UHRF1: variants seen among roughly 807,000 people sequenced by gnomAD.
The protein encoded by UHRF1 is E3 ubiquitin-protein ligase UHRF1.
UHRF1 carries 9 observed loss-of-function variants against 96.5 expected under a neutral mutation model. That is an observed-to-expected ratio of 0.09 (90% CI 0.06 to 0.16). The LOEUF is 0.16. UHRF1 is among the 10% of genes least tolerant of loss of function. UHRF1 has a pLI of 1.00. For missense variants in UHRF1, 626 were observed against 1,131.1 expected (o/e 0.55, Z 6.40); for synonymous variants, 455 against 469.9 (o/e 0.97, Z 0.41).
In UHRF1 at chr19:4,937,625, A is replaced by G. The variant is rs538222062; in HGVS notation, c.786-3903A>G. On this transcript the variant is annotated intron_variant, in intron 5 of 16. Coordinates refer to ENST00000650932, the MANE Select transcript of UHRF1 (RefSeq NM_001048201.3). ...GTGATCCGCCCGCCTTGGCCTCCCA[A>G]AGTGTTAGGATTATAGGCGTGAGCC... Among the ~76,000 whole-genome samples, 9 of 152,200 alleles carry G rather than the reference A, an allele frequency of 5.9e-5. 2 individuals are homozygous for G. Among genetic ancestry groups the G allele is most frequent in the African/African-American group, 2.2e-4 (9 of 41,556 alleles).
At chr19:4,919,622 T>C (rs938527321) in intron 2 of UHRF1, among the ~76,000 whole-genome samples, 3 of 151,862 alleles carry the variant, frequency 2.0e-5, no homozygotes, top group African/African-American at 7.3e-5. Context: ...TTTCTGATAA[T>C]GATTTTCCTT....
At chr19:4,922,868 A>G (rs924721913) in intron 2 of UHRF1, among the ~76,000 whole-genome samples, 1 of 152,086 alleles carries the variant, frequency 6.6e-6, no homozygotes, top group African/African-American at 2.4e-5. Context: ...TGTCCCTCCT[A>G]CGTAGCCCAC....
In UHRF1 at chr19:4,929,230, C is replaced by T. The variant is rs754485690; in HGVS notation, c.162C>T (p.Asp54=). The T allele has an allele frequency of 1.5e-5, 24 of 1,610,758 alleles. No individual in the cohort carries two copies. The highest frequency in any genetic ancestry group is 4.5e-5 in the East Asian group (2 of 44,806). Residue 54 remains aspartate (D), a synonymous_variant, in exon 3 of 17, where the codon GAC becomes GAT. Transcript: ENST00000650932. ...RLFYRGKQME[D]GHTLFDYEVR... ...CTCTGGTGTCCCTGCAGATGGAGGA[C>T]GGCCATACCCTCTTCGACTACGAGG...
In UHRF1 at chr19:4,961,396, A is replaced by C. The variant is rs922703920; in HGVS notation, c.*593A>C. 2 of 149,248 alleles carry C rather than the reference A, an allele frequency of 1.3e-5. No individual in the cohort carries two copies. The highest frequency in any genetic ancestry group is 5.0e-5 in the African/African-American group (2 of 40,360). 9.2% of individuals were successfully genotyped at this position (149,248 alleles called of 1,614,324 possible). On this transcript the variant is annotated 3_prime_UTR_variant, in exon 17 of 17. Transcript: ENST00000650932. ...CTTTGCCTCAAAGCCATCCCCCACC[A>C]GACTGCTTAGCGTCTGAGATCCGCG...
At chr19:4,903,488 TTTTGGTATTTTTATTTA>T (rs2031991653) in exon 1 of UHRF1, 1 of 152,108 alleles carries the variant, frequency 6.6e-6, no homozygotes, top group South Asian at 2.1e-4. Flanking sequence ...GCTAATTTTT[TTTTGGTATTTTTATTTA>T]TTTTATTTTT....
At chr19:4,917,074 G>C (rs1401713698) in intron 2 of UHRF1, among the ~76,000 whole-genome samples, 2 of 151,584 alleles carry the variant, frequency 1.3e-5, no homozygotes, top group African/African-American at 2.4e-5. Flanking sequence ...GCTCGGTGGG[G>C]GGGGGGGGTG....
chr19:4,960,583 G>C, intron 16 of UHRF1, 74 bp from the exon 17 acceptor site: 1 of 1,563,904 alleles, frequency 6.4e-7, no homozygotes, highest in Non-Finnish European at 8.7e-7. Flanking sequence ...TGTCCCCACA[G>C]TCCTGGGAGA....
At chr19:4,958,534 A>G (rs2033914657) in intron 16 of UHRF1, among the ~76,000 whole-genome samples, 1 of 152,224 alleles carries the variant, frequency 6.6e-6, no homozygotes, top group Non-Finnish European at 1.5e-5. Context: ...AAGGCGCGGA[A>G]GCGCTGAGGA....
upstream of UHRF1, among the ~76,000 whole-genome samples, chr19:4,905,108 CTTTTTTTTTT>C (rs61443004): frequency 2.3e-4 from 22 of 95,182 alleles, no homozygotes; most frequent in East Asian, 4.8e-3. Flanking sequence ...CGTAAACTTT[CTTTTTTTTTT>C]TTTTTTTTTT....
At position 4,909,566 on chromosome 19, in the gene UHRF1, C is replaced by A; in HGVS notation, c.-100C>A. The stretch of plus-strand genomic sequence containing the variant: ...GCGCTCCGGGTCGCACGCAAGTCCG[C>A]GCGGGGTCCGGGCCACGCACGCGGT... On this transcript the variant is annotated 5_prime_UTR_variant, in exon 1 of 17. Transcript: ENST00000650932. 1.5e-6 allele frequency: 1 copy of A among 657,620 alleles called. No individual in the cohort carries two copies. The allele number at this position is 657,620 out of a possible 1,614,324, so 40.7% of individuals were successfully genotyped here.
At chr19:4,917,378 G>A (rs1000766184) in intron 2 of UHRF1, among the ~76,000 whole-genome samples, 11 of 151,580 alleles carry the variant, frequency 7.3e-5, no homozygotes, top group Non-Finnish European at 1.6e-4. Flanking sequence ...CCACAAGGCC[G>A]GGCGTGGTGG....
At chr19:4,955,566 C>T (rs1016768716) in intron 15 of UHRF1, among the ~76,000 whole-genome samples, 1 of 152,054 alleles carries the variant, frequency 6.6e-6, no homozygotes, top group South Asian at 2.1e-4. Flanking sequence ...CAGCTGTGGC[C>T]GAGGCCATCT....
At position 4,950,916 on chromosome 19, in the gene UHRF1, C is replaced by T; in HGVS notation, c.1738C>T (p.Leu580=). The change falls in exon 13 of 17, where the codon CTG becomes TTG. Residue 580 remains leucine, a synonymous_variant. Coordinates refer to ENST00000650932, the MANE Select transcript of UHRF1 (RefSeq NM_001048201.3). ...CGGGTTTCTCGTGTGGCGCTACCTT[C>T]TGCGGAGGGACGATGATGAGCCTGG... ...KSGFLVWRYL[L]RRDDDEPGPW... The T allele has an allele frequency of 1.9e-6, 3 of 1,613,518 alleles. No individual in the cohort carries two copies. The highest frequency in any genetic ancestry group is 2.5e-6 in the Non-Finnish European group (3 of 1,179,874).
intron 5 of UHRF1, among the ~76,000 whole-genome samples, chr19:4,933,267 G>C (rs1185496972): frequency 6.6e-6 from 1 of 152,180 alleles, no homozygotes; most frequent in Non-Finnish European, 1.5e-5. Flanking sequence ...CCAGGCTGGA[G>C]TGCAGTGGTT....
In UHRF1 at chr19:4,962,001, A is replaced by G. The variant is rs2033998401; in HGVS notation, c.*1198A>G. ...AATCACATACCTGCAGACAAACTGG[A>G]GCAATGTTATTTTTAAAGGGTTTTT... On this transcript the variant is annotated 3_prime_UTR_variant, in exon 17 of 17. Coordinates refer to ENST00000650932, the MANE Select transcript of UHRF1 (RefSeq NM_001048201.3). 6.6e-6 allele frequency: 1 copy of G among 152,180 alleles called. No homozygotes were observed. The highest frequency in any genetic ancestry group is 1.5e-5 in the Non-Finnish European group (1 of 68,048). 9.4% of individuals were successfully genotyped at this position (152,180 alleles called of 1,614,324 possible).
At chr19:4,935,125 C>G (rs565726588) in intron 5 of UHRF1, among the ~76,000 whole-genome samples, 3 of 152,232 alleles carry the variant, frequency 2.0e-5, no homozygotes, top group African/African-American at 7.2e-5. Context: ...AGGTGCCCAC[C>G]ACCAGCTAAT....
chr19:4,928,752 C>T lies in UHRF1; in HGVS notation c.154-470C>T, dbSNP rs1477557892. On this transcript the variant is annotated intron_variant, in intron 2 of 16. Coordinates refer to ENST00000650932, the MANE Select transcript of UHRF1 (RefSeq NM_001048201.3). ...GGTGCCGAGCAGCGTTCCTGGCCTC[C>T]ACCCACTCCATGCTAGGAGCTTCTC... Among the ~76,000 whole-genome samples the T allele has an allele frequency of 3.3e-5, 5 of 152,200 alleles. 1 individual carries two copies. In the South Asian group the frequency reaches 1.0e-3, roughly 31 times the overall value.
chr19:4,910,558 A>C, intron 1 of UHRF1: 4 of 271,106 alleles, frequency 1.5e-5, no homozygotes, highest in Non-Finnish European at 2.1e-5. Flanking sequence ...CAACTCGGCC[A>C]CTTGGCCCGG....
chr19:4,916,690 TC>T (rs944536106), intron 2 of UHRF1, among the ~76,000 whole-genome samples: 17 of 152,244 alleles, frequency 1.1e-4, no homozygotes, highest in African/African-American at 3.6e-4. Flanking sequence ...TCTAGGATCC[TC>T]CTGCATCCGT....
Sources: gnomAD v4.1 joint callset for allele counts (sites outside exome capture counted in the v4.1 genomes callset) on GRCh38, gnomAD v4.1.1 for gene constraint, MANE v1.5 for transcripts, NCBI Gene and HGNC (gene_info 2026-07-23, HGNC 2026-07-21) for gene names.